Variants in DCTD observed in about 807,000 individuals in gnomAD.
DCTD encodes dCMP deaminase.
In DCTD, 23 loss-of-function variants were observed where a neutral mutation model predicts 21.0. The observed-to-expected ratio is 1.09, with a 90% CI of 0.79 to 1.55. DCTD has a LOEUF of 1.55. Among genes scored for constraint, DCTD ranks in the 40% most tolerant of loss-of-function variants. DCTD has a pLI of 0.00. For missense variants in DCTD, 224 were observed against 230.0 expected (o/e 0.97, Z 0.17); for synonymous variants, 71 against 81.1 (o/e 0.88, Z 0.67).
intron 4 of DCTD, among the ~76,000 whole-genome samples, chr4:182,894,173 C>G (rs534384131): frequency 6.6e-6 from 1 of 152,200 alleles, no homozygotes. Flanking sequence ...CTTCCCTCCC[C>G]CAAATCTATG....
At chr4:182,894,991 G>A (rs536969988) in intron 3 of DCTD, among the ~76,000 whole-genome samples, 1 of 152,368 alleles carries the variant, frequency 6.6e-6, no homozygotes, top group East Asian at 1.9e-4. Context: ...GATTTTAAGA[G>A]CAAGAGAATC....
intron 3 of DCTD, among the ~76,000 whole-genome samples, chr4:182,898,511 T>G (rs1735147511): frequency 6.6e-6 from 1 of 152,170 alleles, no homozygotes; most frequent in African/African-American, 2.4e-5. Flanking sequence ...AGGTTTCCAG[T>G]TTCATTCCTC....
At chr4:182,913,798 A>C (rs1230814088) in intron 3 of DCTD, among the ~76,000 whole-genome samples, 1 of 152,120 alleles carries the variant, frequency 6.6e-6, no homozygotes, top group Non-Finnish European at 1.5e-5. Context: ...CATATTCTCC[A>C]AGGAATGCAA....
At position 182,891,068 on chromosome 4, in the gene DCTD, G is replaced by A. The variant is rs1362221407; in HGVS notation, c.*331C>T. The A allele has an allele frequency of 3.2e-5, 8 of 249,274 alleles. No homozygotes were observed. Among genetic ancestry groups the A allele is most frequent in the African/African-American group, 1.1e-4 (5 of 45,484 alleles). 15.4% of individuals were successfully genotyped at this position (249,274 alleles called of 1,614,324 possible). A position where few individuals can be genotyped will look rare whatever the true frequency, so the allele number is the denominator to read the frequency against. ...AGCAGTGAAGAGAGGCTGCCGGATC[G>A]CAGCAGATGACAGACAGCTGATGCT... On this transcript the variant is annotated 3_prime_UTR_variant, in exon 6 of 6. Transcript: ENST00000438320.
intron 3 of DCTD, among the ~76,000 whole-genome samples, chr4:182,906,007 C>T (rs1260342936): frequency 6.6e-6 from 1 of 152,100 alleles, no homozygotes; most frequent in Non-Finnish European, 1.5e-5. Context: ...AAAATACACC[C>T]CATCTCCAGC....
At chr4:182,913,575 A>G (rs13143259) in intron 3 of DCTD, among the ~76,000 whole-genome samples, 9,530 of 152,320 alleles carry the variant, frequency 0.063, 360 homozygotes, top group South Asian at 0.1. Flanking sequence ...AAAACCCAGA[A>G]GAAAACCTAC....
At position 182,896,079 on chromosome 4, in the gene DCTD, C is replaced by A. The variant is rs1734673713; in HGVS notation, c.245-1474G>T. ...TCAAGGTCTCCCCTACCCTCTCCAGCCTGCCAACCTTCTACACGTAACACT... is the reference window on the plus strand; with the variant it reads ...TCAAGGTCTCCCCTACCCTCTCCAGACTGCCAACCTTCTACACGTAACACT... On this transcript the variant is annotated intron_variant, in intron 3 of 5. Transcript: ENST00000438320. Among the ~76,000 whole-genome samples, 2 of 152,224 alleles carry A rather than the reference C, an allele frequency of 1.3e-5. 1 individual carries two copies. The highest frequency in any genetic ancestry group is 1.3e-4 in the Admixed American group (2 of 15,286).
At chr4:182,903,169 G>A (rs1294264501) in intron 3 of DCTD, among the ~76,000 whole-genome samples, 1 of 152,130 alleles carries the variant, frequency 6.6e-6, no homozygotes, top group East Asian at 1.9e-4. Context: ...CTCTGCAAAT[G>A]GGGACTTTGT....
At chr4:182,905,321 G>A (rs552131136) in intron 3 of DCTD, among the ~76,000 whole-genome samples, 2,092 of 143,482 alleles carry the variant, frequency 0.015, 40 homozygotes, top group African/African-American at 0.05. Flanking sequence ...TGACAAGCCC[G>A]CCTTCTTTTT....
chr4:182,913,993 GTTTT>G (rs964396208), intron 3 of DCTD, among the ~76,000 whole-genome samples: 7 of 140,726 alleles, frequency 5.0e-5, no homozygotes, highest in African/African-American at 1.7e-4. Context: ...TTTTTGTTTT[GTTTT>G]TTGTTTGTTT....
At chr4:182,915,985 T>C (rs371481488) in intron 1 of DCTD, 1 of 599,464 alleles carries the variant, frequency 1.7e-6, no homozygotes, top group African/African-American at 2.0e-5. Context: ...ATACACATCA[T>C]GTCACTCAAG....
At chr4:182,914,513 CCCCTGGTTAGCCGA>C (rs1370278737) in intron 3 of DCTD, among the ~76,000 whole-genome samples, 9 of 152,234 alleles carry the variant, frequency 5.9e-5, no homozygotes, top group African/African-American at 2.2e-4. Context: ...CCCGAGCCAG[CCCCTGGTTAGCCGA>C]CCCTGCTTCC....
At chr4:182,905,651 C>T (rs1034524813) in intron 3 of DCTD, among the ~76,000 whole-genome samples, 2 of 152,102 alleles carry the variant, frequency 1.3e-5, no homozygotes, top group African/African-American at 4.8e-5. Context: ...CTTCTTTCTC[C>T]AACCACCTTA....
intron 3 of DCTD, among the ~76,000 whole-genome samples, chr4:182,908,704 AAGAAG>A (rs1561339290): frequency 2.3e-5 from 3 of 128,712 alleles, no homozygotes; most frequent in Non-Finnish European, 3.2e-5. Flanking sequence ...AAAAAAAAAA[AAGAAG>A]AAGAAGAAGA....
chr4:182,894,828 G>A (rs550365091), intron 3 of DCTD, among the ~76,000 whole-genome samples: 5 of 152,370 alleles, frequency 3.3e-5, no homozygotes, highest in South Asian at 2.1e-4. Context: ...CGGCCAGGAC[G>A]GCCGAGGTCA....
At chr4:182,915,607 A>G in intron 1 of DCTD, 32 bp from the exon 2 acceptor site, 1 of 1,408,752 alleles carries the variant, frequency 7.1e-7, no homozygotes. Flanking sequence ...ACAGAAGTTG[A>G]GAGAAGCATT....
At chr4:182,915,627 C>A in intron 1 of DCTD, 52 bp from the exon 2 acceptor site, 1 of 1,260,174 alleles carries the variant, frequency 7.9e-7, no homozygotes, top group South Asian at 1.2e-5. Context: ...TTTAGTAAGT[C>A]TGTTTTCCAG....
intron 3 of DCTD, among the ~76,000 whole-genome samples, chr4:182,899,597 C>T (rs1049739582): frequency 5.9e-5 from 9 of 152,046 alleles, no homozygotes; most frequent in Non-Finnish European, 1.3e-4. Context: ...AACAGGGTTT[C>T]GCTATGTTGG....
intron 3 of DCTD, 71 bp downstream of exon 3, chr4:182,914,852 G>T: frequency 6.3e-7 from 1 of 1,575,836 alleles, no homozygotes; most frequent in South Asian, 1.1e-5. Context: ...GATGCCTTCT[G>T]ACCAACTTTC....
Sources: allele counts gnomAD v4.1 joint callset (sites outside exome capture counted in the v4.1 genomes callset), GRCh38; gene constraint gnomAD v4.1.1; transcripts MANE v1.5; gene names NCBI Gene and HGNC (gene_info 2026-07-23, HGNC 2026-07-21).